Variants in PILRA observed in about 807,000 individuals in gnomAD.
The protein encoded by PILRA is paired immunoglobulin-like type 2 receptor alpha.
PILRA carries 37 observed loss-of-function variants against 33.1 expected under a neutral mutation model. The ratio of observed to expected loss-of-function variants is 1.12; its 90% CI spans 0.86 to 1.47. The LOEUF is 1.47. Ranked by LOEUF, PILRA falls within the 40% of genes most tolerant of loss-of-function variation. The probability of loss-of-function intolerance (pLI) is 0.00; values close to 1 mark genes in which losing one functional copy is unlikely to be tolerated. For synonymous variants in PILRA, 146 were observed against 149.9 expected, an observed-to-expected ratio of 0.97 and a Z score of 0.19; for missense variants, 312 against 376.2, an observed-to-expected ratio of 0.83 and a Z score of 1.41.
At chr7:100,377,209 CTTCT>C (rs1790970770) in intron 2 of PILRA, among the ~76,000 whole-genome samples, 2 of 115,710 alleles carry the variant, frequency 1.7e-5, no homozygotes, top group South Asian at 2.9e-4. Context: ...TAATTGTGTT[CTTCT>C]TTGTCACTTT....
chr7:100,381,996 T>TCCCCCCCCCCCCCCCCCCCCCCCCCCC (rs1368626457), intron 2 of PILRA, among the ~76,000 whole-genome samples: 2 of 128,528 alleles, frequency 1.6e-5, no homozygotes, highest in African/African-American at 5.6e-5. Flanking sequence ...CATGCCTCAG[T>TCCCCCCCCCCCCCCCCCCCCCCCCCCC]CCCCACCCCC....
chr7:100,378,723 T>G (rs974569882), intron 2 of PILRA, among the ~76,000 whole-genome samples: 2 of 151,370 alleles, frequency 1.3e-5, no homozygotes, highest in African/African-American at 4.8e-5. Flanking sequence ...AAAAAAGATT[T>G]TTTTACCCTC....
upstream of PILRA, among the ~76,000 whole-genome samples, chr7:100,372,333 GCA>G (rs1790836167): frequency 6.6e-6 from 1 of 152,168 alleles, no homozygotes; most frequent in South Asian, 2.1e-4. Flanking sequence ...GCCCTGGGAA[GCA>G]CAGAGGAGCC....
intron 3 of PILRA, among the ~76,000 whole-genome samples, chr7:100,394,265 G>C (rs148009350): frequency 0.013 from 1,982 of 152,190 alleles, 20 homozygotes; most frequent in Non-Finnish European, 0.021. Flanking sequence ...TGAAGTCTAA[G>C]AGCAGGTACA....
At chr7:100,389,756 C>T in intron 2 of PILRA, 132 bp from the exon 3 acceptor site, 1 of 713,314 alleles carries the variant, frequency 1.4e-6, no homozygotes, top group South Asian at 1.5e-5. Context: ...GTTCCCCGCT[C>T]CCTGTGTGGG....
At chr7:100,372,623 G>A (rs539891373), upstream of PILRA, among the ~76,000 whole-genome samples, 2 of 152,304 alleles carry the variant, frequency 1.3e-5, no homozygotes, top group South Asian at 4.1e-4. Flanking sequence ...GTTGCTCTGA[G>A]CCTTCACTTT....
At chr7:100,391,516 G>T (rs576363415) in intron 3 of PILRA, among the ~76,000 whole-genome samples, 1 of 151,944 alleles carries the variant, frequency 6.6e-6, no homozygotes, top group African/African-American at 2.4e-5. Flanking sequence ...GCAAAACCCC[G>T]TATCTACAGA....
At chr7:100,379,151 C>A (rs1791022177) in intron 2 of PILRA, among the ~76,000 whole-genome samples, 1 of 150,820 alleles carries the variant, frequency 6.6e-6, no homozygotes. Context: ...TGCCTGTAAT[C>A]CCAGCACTTT....
intron 2 of PILRA, among the ~76,000 whole-genome samples, chr7:100,385,962 A>G (rs1289124151): frequency 1.4e-5 from 2 of 147,146 alleles, no homozygotes; most frequent in Admixed American, 6.8e-5. Flanking sequence ...CGGAGTTTCA[A>G]TCTTGTCACC....
intron 2 of PILRA, among the ~76,000 whole-genome samples, chr7:100,380,104 T>C (rs1191035160): frequency 1.3e-5 from 2 of 152,160 alleles, no homozygotes; most frequent in South Asian, 2.1e-4. Flanking sequence ...AGGTTTGCTT[T>C]CCAGAATAGA....
At chr7:100,372,150 G>GC (rs1790830219), upstream of PILRA, among the ~76,000 whole-genome samples, 1 of 152,180 alleles carries the variant, frequency 6.6e-6, no homozygotes, top group African/African-American at 2.4e-5. Context: ...TCAGCCCAAA[G>GC]CCCCCGTCCC....
upstream of PILRA, among the ~76,000 whole-genome samples, chr7:100,371,491 G>A (rs1317344648): frequency 1.3e-5 from 2 of 152,264 alleles, no homozygotes; most frequent in East Asian, 1.9e-4. Context: ...GAGGGGCTGG[G>A]GGCAGGGACG....
intron 2 of PILRA, among the ~76,000 whole-genome samples, chr7:100,377,103 A>C (rs1790968595): frequency 1.3e-5 from 2 of 151,982 alleles, no homozygotes; most frequent in African/African-American, 4.8e-5. Context: ...TCATGCTAAG[A>C]TGCAACAAAC....
chr7:100,389,836 A>T (rs1791342486), intron 2 of PILRA, 52 bp from the exon 3 acceptor site: 1 of 1,512,312 alleles, frequency 6.6e-7, no homozygotes, highest in Non-Finnish European at 9.2e-7. Context: ...CCTTTCACCC[A>T]GACACCCTGT....
chr7:100,380,643 T>C (rs905002069), intron 2 of PILRA, among the ~76,000 whole-genome samples: 1 of 152,082 alleles, frequency 6.6e-6, no homozygotes, highest in African/African-American at 2.4e-5. Context: ...AGCAAGACTC[T>C]GTCTCTATAA....
At chr7:100,388,807 T>C (rs1371365280) in intron 2 of PILRA, among the ~76,000 whole-genome samples, 1 of 146,720 alleles carries the variant, frequency 6.8e-6, no homozygotes, top group Non-Finnish European at 1.5e-5. Flanking sequence ...CACTGTATGA[T>C]TCAGCTAATA....
In PILRA at chr7:100,374,162, A is replaced by C. The variant is rs933567245; in HGVS notation, c.183A>C (p.Leu61Phe). The C allele has an allele frequency of 1.2e-6, 2 of 1,613,976 alleles. No individual in the cohort carries two copies. Among genetic ancestry groups the C allele is most frequent in the African/African-American group, 2.7e-5 (2 of 74,864 alleles). Reference protein sequence around the residue: ...IPFSFYYPWELATAPDVRISW... With the variant: ...IPFSFYYPWEFATAPDVRISW... ...TCTCCTTCTATTACCCCTGGGAGTT[A>C]GCCACAGCTCCCGACGTGAGAATAT... Residue 61 changes from leucine (L) to phenylalanine (F), a missense_variant, in exon 2 of 7, where the codon TTA becomes TTC. Physicochemically the swap from Leu to Phe is conservative, Grantham distance 22. Coordinates refer to ENST00000198536, the MANE Select transcript of PILRA (RefSeq NM_013439.3).
intron 2 of PILRA, among the ~76,000 whole-genome samples, chr7:100,389,164 C>T (rs1319736858): frequency 6.6e-6 from 1 of 152,094 alleles, no homozygotes; most frequent in Non-Finnish European, 1.5e-5. Flanking sequence ...TGGGTGAAAT[C>T]CCAAAGACTC....
chr7:100,395,015 T>C (rs1791466840), intron 3 of PILRA, among the ~76,000 whole-genome samples: 1 of 152,106 alleles, frequency 6.6e-6, no homozygotes, highest in Non-Finnish European at 1.5e-5. Context: ...ACACAATCAA[T>C]AGAATCAAAA....
Sources: allele counts gnomAD v4.1 joint callset (sites outside exome capture counted in the v4.1 genomes callset), GRCh38; gene constraint gnomAD v4.1.1; transcripts MANE v1.5; gene names NCBI Gene and HGNC (gene_info 2026-07-23, HGNC 2026-07-21).